SPATA1: variants seen among roughly 807,000 people sequenced by gnomAD.
The protein encoded by SPATA1 is spermatogenesis-associated protein 1.
SPATA1 carries 57 observed loss-of-function variants against 59.6 expected under a neutral mutation model. The observed-to-expected ratio is 0.96, with a 90% CI of 0.77 to 1.19. SPATA1 has a LOEUF of 1.19. SPATA1 is among the 50% of genes most tolerant of loss of function. The pLI is 0.00. For synonymous variants in SPATA1, 147 were observed against 163.9 expected, an observed-to-expected ratio of 0.90 and a Z score of 0.79; for missense variants, 448 against 480.7, an observed-to-expected ratio of 0.93 and a Z score of 0.64.
At chr1:84,515,023 A>T (rs1473493947) in intron 1 of SPATA1, among the ~76,000 whole-genome samples, 3 of 152,204 alleles carry the variant, frequency 2.0e-5, no homozygotes, top group Non-Finnish European at 4.4e-5. Flanking sequence ...TTTAATATGT[A>T]ACAAATTAAA....
chr1:84,528,105 A>G (rs1386409214), intron 6 of SPATA1, among the ~76,000 whole-genome samples: 2 of 152,210 alleles, frequency 1.3e-5, no homozygotes, highest in Non-Finnish European at 2.9e-5. Context: ...TGCTGTTTCT[A>G]AGGTAACAAC....
At position 84,506,428 on chromosome 1, in the gene SPATA1, G is replaced by T. The variant is rs1326785212; in HGVS notation, c.-138+10G>T. ...GGCCGATTAGGGAGAGGTAAGGAGA[G>T]AGCTTACCGTTAGCCGCGAAGAACT... On this transcript the variant is annotated intron_variant, in intron 1 of 12. Coordinates refer to ENST00000490879, the Ensembl canonical transcript of SPATA1. The T allele has an allele frequency of 1.6e-5, 3 of 183,212 alleles. No homozygotes were observed. The highest frequency in any genetic ancestry group is 3.4e-5 in the Non-Finnish European group (3 of 87,630). 11.3% of individuals were successfully genotyped at this position (183,212 alleles called of 1,614,324 possible).
chr1:84,540,775 A>G (rs1291365647), intron 8 of SPATA1, among the ~76,000 whole-genome samples: 1 of 152,248 alleles, frequency 6.6e-6, no homozygotes, highest in Non-Finnish European at 1.5e-5. Flanking sequence ...CTCTCTGTAG[A>G]GCAAGGATGG....
chr1:84,525,673 T>C (rs139131839), intron 4 of SPATA1, 23 bp from the exon 5 acceptor site: 2 of 1,552,874 alleles, frequency 1.3e-6, no homozygotes, highest in African/African-American at 2.8e-5. Flanking sequence ...AGCTTTAATT[T>C]TTTTCTCACT....
chr1:84,517,452 C>T (rs114171169), intron 2 of SPATA1, among the ~76,000 whole-genome samples: 2,646 of 152,246 alleles, frequency 0.017, 33 homozygotes, highest in Middle Eastern at 0.037. Flanking sequence ...TTCACGTAGG[C>T]CTATATTCAA....
At chr1:84,531,218 A>C (rs912971841) in intron 6 of SPATA1, among the ~76,000 whole-genome samples, 11 of 152,128 alleles carry the variant, frequency 7.2e-5, no homozygotes, top group Non-Finnish European at 1.3e-4. Context: ...GCTGGAGAGC[A>C]GTGGCACAAT....
intron 3 of SPATA1, among the ~76,000 whole-genome samples, chr1:84,522,018 TC>T (rs1043528763): frequency 2.6e-5 from 4 of 152,164 alleles, no homozygotes; most frequent in Admixed American, 2.6e-4. Context: ...CTGCCAAACT[TC>T]CAAAATAAAT....
chr1:84,513,386 C>T (rs928286587), intron 1 of SPATA1, among the ~76,000 whole-genome samples: 6 of 152,182 alleles, frequency 3.9e-5, no homozygotes, highest in African/African-American at 1.4e-4. Flanking sequence ...CTGCCTGCCT[C>T]GGCCTCCCAA....
chr1:84,563,389 A>G, intron 4 of SPATA1: 1 of 1,577,236 alleles, frequency 6.3e-7, no homozygotes, highest in Non-Finnish European at 8.6e-7. Flanking sequence ...CCCCCCGGAA[A>G]GGGACTTTTG....
intron 6 of SPATA1, chr1:84,527,489 C>T (rs186325103): frequency 1.3e-5 from 2 of 152,072 alleles, no homozygotes; most frequent in Non-Finnish European, 2.9e-5. Context: ...TCAGAGATTA[C>T]TACTACTTAG....
At chr1:84,566,215 A>G (rs1684696873), downstream of SPATA1, 1 of 246,040 alleles carries the variant, frequency 4.1e-6, no homozygotes, top group Non-Finnish European at 7.6e-6. Flanking sequence ...AGTCAGACAT[A>G]TATTTGGACA....
chr1:84,532,116 A>AT (rs1366027931), intron 6 of SPATA1, among the ~76,000 whole-genome samples: 1 of 152,188 alleles, frequency 6.6e-6, no homozygotes, highest in Non-Finnish European at 1.5e-5. Context: ...AAAAAATGAC[A>AT]TTTTATGTTC....
intron 9 of SPATA1, among the ~76,000 whole-genome samples, chr1:84,545,170 T>C (rs996537233): frequency 2.0e-5 from 3 of 150,720 alleles, no homozygotes; most frequent in East Asian, 3.9e-4. Context: ...TGAGCCAGTA[T>C]TGCACCACTA....
exon 11 of SPATA1, chr1:84,548,860 C>G: frequency 6.7e-7 from 1 of 1,495,886 alleles, no homozygotes; most frequent in Non-Finnish European, 9.0e-7. Flanking sequence ...TTTAACAAAA[C>G]TTCGAGAAGA....
chr1:84,548,919 G>A, exon 11 of SPATA1: 1 of 1,604,574 alleles, frequency 6.2e-7, no homozygotes, highest in East Asian at 2.3e-5. Flanking sequence ...AAGCCAGGGA[G>A]ATCAAGATGA....
chr1:84,533,052 A>G (rs1683537220), intron 7 of SPATA1, 78 bp downstream of exon 7: 1 of 947,886 alleles, frequency 1.1e-6, no homozygotes, highest in African/African-American at 1.7e-5. Context: ...GAGTATTGTT[A>G]TAAAGACTTC....
At chr1:84,515,044 T>C (rs1682737902) in intron 1 of SPATA1, among the ~76,000 whole-genome samples, 1 of 152,208 alleles carries the variant, frequency 6.6e-6, no homozygotes, top group African/African-American at 2.4e-5. Flanking sequence ...ACTTTTAGCC[T>C]ACTAATTTGC....
chr1:84,532,150 G>C (rs139274459), intron 6 of SPATA1, among the ~76,000 whole-genome samples: 29 of 152,320 alleles, frequency 1.9e-4, no homozygotes, highest in African/African-American at 6.5e-4. Flanking sequence ...GCATTTTCCA[G>C]AGAAGGTTCC....
chr1:84,545,131 C>T (rs145415114), intron 9 of SPATA1, among the ~76,000 whole-genome samples: 2,339 of 150,872 alleles, frequency 0.016, 59 homozygotes, highest in African/African-American at 0.053. Flanking sequence ...GCAGGAGAAT[C>T]GCTTGAACCC....
Sources: gnomAD v4.1 joint callset for allele counts (sites outside exome capture counted in the v4.1 genomes callset) on GRCh38, gnomAD v4.1.1 for gene constraint, MANE v1.5 for transcripts, NCBI Gene and HGNC (gene_info 2026-07-23, HGNC 2026-07-21) for gene names.